The following NTRK1 variants were observed in gnomAD, a reference collection of about 807,000 sequenced individuals.
The protein encoded by NTRK1 is high affinity nerve growth factor receptor.
In NTRK1, 62 loss-of-function variants were observed where a neutral mutation model predicts 86.8. That is an observed-to-expected ratio of 0.71 (90% CI 0.58 to 0.88). NTRK1 has a LOEUF of 0.88. NTRK1 is among the 40% of genes least tolerant of loss of function. The probability of loss-of-function intolerance (pLI) is 0.00; values close to 1 mark genes in which losing one functional copy is unlikely to be tolerated. For synonymous variants in NTRK1, 469 were observed against 456.6 expected (o/e 1.03, Z -0.35); for missense variants, 967 against 1,078.4 (o/e 0.90, Z 1.45).
At chr1:156,826,418 A>C (rs561437321) in intron 1 of NTRK1, among the ~76,000 whole-genome samples, 1 of 150,806 alleles carries the variant, frequency 6.6e-6, no homozygotes, top group South Asian at 2.1e-4. Flanking sequence ...CTCCTGCCTC[A>C]GCCTCCCGAG....
At chr1:156,864,469 G>T in intron 2 of NTRK1, 41 bp downstream of exon 2, 1 of 1,596,228 alleles carries the variant, frequency 6.3e-7, no homozygotes, top group Non-Finnish European at 8.6e-7. Context: ...CTCAGCATGG[G>T]CCTGGGGGAG....
At chr1:156,867,775 G>A (rs181193950) in intron 4 of NTRK1, among the ~76,000 whole-genome samples, 7 of 151,842 alleles carry the variant, frequency 4.6e-5, no homozygotes, top group South Asian at 2.1e-4. Context: ...CTGGGTTCAC[G>A]CCATTCTCCT....
chr1:156,822,161 G>A (rs1029072604), intron 1 of NTRK1, among the ~76,000 whole-genome samples: 1 of 152,130 alleles, frequency 6.6e-6, no homozygotes, highest in African/African-American at 2.4e-5. Flanking sequence ...TGTCCAACAC[G>A]GTCCACCCCC....
rs141629165 is a variant in NTRK1 at position 156,868,144 on chromosome 1, C to G, written c.469C>G (p.Arg157Gly). 6.2e-7 allele frequency: 1 copy of G among 1,613,894 alleles called. No homozygotes were observed. Among genetic ancestry groups the G allele is most frequent in the African/African-American group, 1.3e-5 (1 of 75,066 alleles). Residue 157 changes from arginine (R) to glycine (G), a missense_variant, in exon 5 of 17, where the codon CGC becomes GGC. By Grantham distance (125) the Arg-to-Gly change is moderately radical. Around this residue, in one of 2 missense-constraint regions of NTRK1, gnomAD observed 330 missense variants for 302.0 expected, o/e 1.09. Transcript: ENST00000524377. ...GNPLHCSCALRWLQRWEEEGL... is the reference protein window; with the variant it reads ...GNPLHCSCALGWLQRWEEEGL... ...CCCTCTGCACTGTTCTTGTGCCCTGCGCTGGCTACAGCGCTGGGAGGAGGA... is the reference window on the plus strand; with the variant it reads ...CCCTCTGCACTGTTCTTGTGCCCTGGGCTGGCTACAGCGCTGGGAGGAGGA...
At chr1:156,846,078 A>G (rs768108567) in intron 2 of NTRK1, 2 of 1,610,858 alleles carry the variant, frequency 1.2e-6, no homozygotes, top group South Asian at 2.2e-5. Context: ...AGGTGGGAGG[A>G]GGAGTTGGAC....
rs1416129979 is a variant in NTRK1, at chr1:156,860,925, C to A, written c.-10C>A. 2.9e-5 allele frequency: 41 copies of A among 1,438,206 alleles called. No homozygotes were observed. Among genetic ancestry groups the A allele is most frequent in the Non-Finnish European group, 3.6e-5 (40 of 1,106,778 alleles). The allele number at this position is 1,438,206 out of a possible 1,614,324, so 89.1% of individuals were successfully genotyped here. A position where few individuals can be genotyped will look rare whatever the true frequency, so the allele number is the denominator to read the frequency against. Reference sequence around the variant, plus strand: ...GGCTGCCCCGCCTGAGCGAGGCGGGCGCCGCCGCGATGCTGCGAGGCGGAC... The same window carrying A: ...GGCTGCCCCGCCTGAGCGAGGCGGGAGCCGCCGCGATGCTGCGAGGCGGAC... On this transcript the variant is annotated 5_prime_UTR_variant, in exon 1 of 17. Coordinates refer to ENST00000524377, the MANE Select transcript of NTRK1 (RefSeq NM_002529.4).
At chr1:156,833,784 G>T (rs1455071113) in intron 1 of NTRK1, among the ~76,000 whole-genome samples, 3 of 152,212 alleles carry the variant, frequency 2.0e-5, no homozygotes, top group Non-Finnish European at 4.4e-5. Flanking sequence ...CCAGTAGCAG[G>T]TGCTGCAGGG....
At chr1:156,870,628 A>G (rs1015651796) in intron 6 of NTRK1, among the ~76,000 whole-genome samples, 13 of 152,214 alleles carry the variant, frequency 8.5e-5, no homozygotes, top group South Asian at 2.1e-4. Context: ...ACATATTCCA[A>G]TGGAAGCCTG....
intron 11 of NTRK1, 69 bp from the exon 12 acceptor site, chr1:156,875,451 C>A (rs2102914728): frequency 1.2e-6 from 2 of 1,603,048 alleles, no homozygotes; most frequent in Non-Finnish European, 1.7e-6. Context: ...GACCAGGCAT[C>A]CTGCAGGCAA....
intron 1 of NTRK1, among the ~76,000 whole-genome samples, chr1:156,826,393 C>T (rs1488316313): frequency 3.4e-5 from 5 of 148,350 alleles, no homozygotes; most frequent in East Asian, 2.1e-4. Flanking sequence ...CTCTGCCTCC[C>T]GGGTTCACGC....
intron 2 of NTRK1, among the ~76,000 whole-genome samples, chr1:156,843,908 G>A (rs1257320600): frequency 6.6e-6 from 1 of 152,212 alleles, no homozygotes; most frequent in African/African-American, 2.4e-5. Flanking sequence ...GTGAGAGTGT[G>A]GTGACCAACA....
rs759311798 is a variant in NTRK1 at position 156,876,072 on chromosome 1, C to T, written c.1502-8C>T. On this transcript the variant is annotated splice_polypyrimidine_tract_variant and splice_region_variant and intron_variant, in intron 12 of 16. Coordinates refer to ENST00000524377, the MANE Select transcript of NTRK1 (RefSeq NM_002529.4). Reference sequence around the variant, plus strand: ...GGGGCTACCGTCTGACCCTGCAAGCCCCCTCAGGTGTTCACCACATCAAGC... The same window carrying T: ...GGGGCTACCGTCTGACCCTGCAAGCTCCCTCAGGTGTTCACCACATCAAGC... 9 of 1,614,188 alleles carry T rather than the reference C, an allele frequency of 5.6e-6. No homozygotes were observed. The highest frequency in any genetic ancestry group is 4.4e-5 in the South Asian group (4 of 91,076).
chr1:156,836,088 C>T (rs1047680902), intron 1 of NTRK1, among the ~76,000 whole-genome samples: 3 of 152,186 alleles, frequency 2.0e-5, no homozygotes, highest in Admixed American at 1.3e-4. Context: ...TCTCCTCCTG[C>T]GTGTCTGTCA....
intron 1 of NTRK1, among the ~76,000 whole-genome samples, chr1:156,831,291 G>A (rs1189233118): frequency 6.6e-6 from 1 of 152,230 alleles, no homozygotes; most frequent in Admixed American, 6.5e-5. Flanking sequence ...CGCTGGGTCA[G>A]ATCAGCTTGC....
intron 2 of NTRK1, among the ~76,000 whole-genome samples, chr1:156,849,901 A>T (rs1365188374): frequency 6.6e-6 from 1 of 151,052 alleles, no homozygotes; most frequent in Non-Finnish European, 1.5e-5. Context: ...ACTAGACTAG[A>T]TGACTAGATG....
chr1:156,876,226 G>A lies in NTRK1; in HGVS notation c.1632+16G>A, dbSNP rs781599974. On this transcript the variant is annotated intron_variant, in intron 13 of 16. Transcript: ENST00000524377. ...GGCTGTCAAGGTGAGACCCTGCCCC[G>A]GGGGGTACTGCTGGCCTGGGTCCCA... 1.5e-5 allele frequency: 24 copies of A among 1,613,516 alleles called. No homozygotes were observed. Among genetic ancestry groups the A allele is most frequent in the Middle Eastern group, 1.8e-4 (1 of 5,686 alleles).
At chr1:156,825,039 G>A (rs918393706) in intron 1 of NTRK1, among the ~76,000 whole-genome samples, 1 of 152,130 alleles carries the variant, frequency 6.6e-6, no homozygotes, top group Non-Finnish European at 1.5e-5. Context: ...ACAGGCATGC[G>A]CCACCACGCC....
At chr1:156,842,342 C>A in intron 2 of NTRK1, 1 of 1,612,870 alleles carries the variant, frequency 6.2e-7, no homozygotes, top group Non-Finnish European at 8.5e-7. Flanking sequence ...CTGGCCCCCA[C>A]CTCCCACACT....
At chr1:156,858,006 C>A (rs1342237919), upstream of NTRK1, among the ~76,000 whole-genome samples, 1 of 152,146 alleles carries the variant, frequency 6.6e-6, no homozygotes. Context: ...AGTCTTCCCC[C>A]AAAACCAGCC....
Sources: gnomAD v4.1 joint callset for allele counts (sites outside exome capture counted in the v4.1 genomes callset) on GRCh38, gnomAD v4.1.1 for gene constraint, gnomAD v4.1.1 regional missense constraint, MANE v1.5 for transcripts, NCBI Gene and HGNC (gene_info 2026-07-23, HGNC 2026-07-21) for gene names.